The following THADA variants were observed in gnomAD, a reference collection of about 807,000 sequenced individuals.
THADA encodes the protein tRNA (32-2'-O)-methyltransferase regulator THADA.
Under a neutral mutation model 219.8 loss-of-function variants are expected in THADA, and 213 were observed. The ratio of observed to expected loss-of-function variants is 0.97; its 90% confidence interval spans 0.87 to 1.09. The LOEUF (loss-of-function observed/expected upper bound fraction) is 1.09, where lower values mean the gene tolerates loss of function less well. THADA is among the 50% of genes least tolerant of loss of function. THADA has a pLI of 0.00. For synonymous variants in THADA, 1,018 were observed against 828.9 expected (o/e 1.23, Z -3.92); for missense variants, 2,956 against 2,311.3 (o/e 1.28, Z -5.72).
chr2:43,235,567 C>A (rs962197537), intron 36 of THADA, among the ~76,000 whole-genome samples: 2 of 152,166 alleles, frequency 1.3e-5, no homozygotes, highest in African/African-American at 4.8e-5. Context: ...GCTGGGATTA[C>A]ACCCATGAGC....
At chr2:43,510,399 A>G (rs981237331) in intron 22 of THADA, among the ~76,000 whole-genome samples, 9 of 152,102 alleles carry the variant, frequency 5.9e-5, no homozygotes, top group Non-Finnish European at 1.2e-4. Context: ...TGTGTTTGGA[A>G]TTTTTCATAA....
chr2:43,521,458 A>G (rs1692472167), intron 22 of THADA, among the ~76,000 whole-genome samples: 1 of 152,192 alleles, frequency 6.6e-6, no homozygotes, highest in Non-Finnish European at 1.5e-5. Context: ...CGGGAGGCTG[A>G]GGTGGGAGAT....
At chr2:43,250,271 G>T (rs1316693188) in intron 36 of THADA, among the ~76,000 whole-genome samples, 1 of 152,162 alleles carries the variant, frequency 6.6e-6, no homozygotes, top group Non-Finnish European at 1.5e-5. Flanking sequence ...GATGAACCTT[G>T]TAAACATTAT....
intron 26 of THADA, among the ~76,000 whole-genome samples, chr2:43,445,733 GCA>G (rs1681444869): frequency 6.6e-6 from 1 of 152,168 alleles, no homozygotes; most frequent in Non-Finnish European, 1.5e-5. Flanking sequence ...GAGTGCGGTA[GCA>G]CAGTCAGAGC....
rs1219943680 is a variant in THADA, at chr2:43,292,231, G to A, written c.4819-9C>T. ...TGGAGAATTTTCAGTATCTGTGTAA[G>A]CCAAATCCGCACACAAAAAAGAGAA... On this transcript the variant is annotated splice_polypyrimidine_tract_variant and intron_variant, in intron 32 of 37. Coordinates refer to ENST00000405975, the MANE Select transcript of THADA (RefSeq NM_022065.5). The A allele has an allele frequency of 3.9e-6, 6 of 1,538,780 alleles. No individual in the cohort carries two copies. Among genetic ancestry groups the A allele is most frequent in the Non-Finnish European group, 5.3e-6 (6 of 1,129,616 alleles).
intron 15 of THADA, 85 bp from the exon 16 acceptor site, chr2:43,560,470 A>G (rs1035701676): frequency 9.8e-7 from 1 of 1,016,680 alleles, no homozygotes; most frequent in South Asian, 2.4e-5. Context: ...ATTTATAGAA[A>G]ATAAGTACCA....
intron 36 of THADA, among the ~76,000 whole-genome samples, chr2:43,279,212 C>A (rs1650121910): frequency 1.3e-5 from 2 of 152,212 alleles, no homozygotes; most frequent in Admixed American, 6.5e-5. Flanking sequence ...GACCTCAGGA[C>A]TACCCAGCTA....
At chr2:43,315,937 C>A (rs987247333) in intron 31 of THADA, among the ~76,000 whole-genome samples, 4 of 152,184 alleles carry the variant, frequency 2.6e-5, no homozygotes, top group African/African-American at 7.2e-5. Context: ...CAAATTGAGG[C>A]TCCTTGGACT....
intron 25 of THADA, among the ~76,000 whole-genome samples, chr2:43,489,568 T>C (rs975490879): frequency 1.3e-5 from 2 of 152,152 alleles, no homozygotes; most frequent in Non-Finnish European, 2.9e-5. Context: ...TGGTATGAGA[T>C]GGGGATCACA....
chr2:43,444,578 G>C (rs1189570014), intron 26 of THADA, among the ~76,000 whole-genome samples: 1 of 152,088 alleles, frequency 6.6e-6, no homozygotes, highest in African/African-American at 2.4e-5. Context: ...TTTAAACCAA[G>C]CTCCAATTTC....
At chr2:43,515,807 A>G (rs1198270076) in intron 22 of THADA, among the ~76,000 whole-genome samples, 1 of 152,154 alleles carries the variant, frequency 6.6e-6, no homozygotes, top group African/African-American at 2.4e-5. Flanking sequence ...TCTGCCTTCC[A>G]GAGACTCTCA....
intron 30 of THADA, among the ~76,000 whole-genome samples, chr2:43,324,396 T>C (rs1247915884): frequency 1.3e-5 from 2 of 152,122 alleles, no homozygotes; most frequent in African/African-American, 2.4e-5. Flanking sequence ...AACAAGATCA[T>C]GGGAGGCTCC....
chr2:43,533,061 C>T (rs1694094201), intron 21 of THADA, among the ~76,000 whole-genome samples: 1 of 152,104 alleles, frequency 6.6e-6, no homozygotes, highest in Non-Finnish European at 1.5e-5. Context: ...CAAACCACCC[C>T]ATCAAAAAGT....
chr2:43,358,878 AG>A (rs1669169699), intron 29 of THADA, among the ~76,000 whole-genome samples: 1 of 152,230 alleles, frequency 6.6e-6, no homozygotes. Context: ...AGGTCATCAA[AG>A]TAAACAAAAG....
At chr2:43,393,686 C>T (rs1673683515) in intron 29 of THADA, among the ~76,000 whole-genome samples, 1 of 145,706 alleles carries the variant, frequency 6.9e-6, no homozygotes, top group Non-Finnish European at 1.5e-5. Context: ...CCAGCCTAGG[C>T]AACAGAGCGA....
At chr2:43,282,983 G>A (rs1673540992) in intron 35 of THADA, among the ~76,000 whole-genome samples, 1 of 152,210 alleles carries the variant, frequency 6.6e-6, no homozygotes, top group Non-Finnish European at 1.5e-5. Flanking sequence ...CAAATCTCAT[G>A]TTGAATTGGA....
intron 28 of THADA, among the ~76,000 whole-genome samples, chr2:43,403,115 G>A (rs1231273391): frequency 6.6e-6 from 1 of 152,208 alleles, no homozygotes; most frequent in East Asian, 1.9e-4. Flanking sequence ...AGGTGTCCCA[G>A]CATACTTTGG....
rs76548301 is a variant in THADA at position 43,584,476 on chromosome 2, G to C, written c.533+1925C>G. On this transcript the variant is annotated intron_variant, in intron 7 of 37. Transcript: ENST00000405975. ...AGAAGAGCCAAAAAGGAGAAAAAGA[G>C]ACAAAGAGCTCCTGCTGTGGAAAAA... 8.7e-3 allele frequency among the ~76,000 whole-genome samples: 1,321 copies of C among 152,260 alleles called. 13 individuals carry two copies. Among genetic ancestry groups the C allele is most frequent in the African/African-American group, 0.029 (1,190 of 41,534 alleles).
Position 43,489,621 on chromosome 2 carries a change from T to C in THADA, c.3745-4296A>G, listed in dbSNP as rs571428897. On this transcript the variant is annotated intron_variant, in intron 25 of 37. Transcript: ENST00000405975. ...GGATATCCAGTTGTCCCCGTACCAT[T>C]TGTTGAAGGCTATTCTTTCTCTACT... Among the ~76,000 whole-genome samples, 5 of 152,260 alleles carry C rather than the reference T, an allele frequency of 3.3e-5. No homozygotes were observed. In the South Asian group the frequency reaches 8.3e-4, roughly 25 times the overall value.
Sources: gnomAD v4.1 joint callset for allele counts (sites outside exome capture counted in the v4.1 genomes callset) on GRCh38, gnomAD v4.1.1 for gene constraint, MANE v1.5 for transcripts, NCBI Gene and HGNC (gene_info 2026-07-23, HGNC 2026-07-21) for gene names.